AGBL4: variants seen among roughly 807,000 people sequenced by gnomAD.
AGBL4 encodes AGBL carboxypeptidase 4.
A neutral mutation model predicts 66.4 loss-of-function variants in AGBL4; 58 were observed. The ratio of observed to expected loss-of-function variants is 0.87; its 90% CI spans 0.71 to 1.09. The LOEUF (loss-of-function observed/expected upper bound fraction) is 1.09, where lower values mean the gene tolerates loss of function less well. Among genes scored for constraint, AGBL4 ranks in the 50% least tolerant of loss-of-function variants. The probability of loss-of-function intolerance (pLI) is 0.00; values close to 1 mark genes in which losing one functional copy is unlikely to be tolerated. For synonymous variants in AGBL4, 234 were observed against 222.9 expected (o/e 1.05, Z -0.44); for missense variants, 579 against 631.0 (o/e 0.92, Z 0.88).
At chr1:48,640,898 G>A (rs955395626) in intron 8 of AGBL4, among the ~76,000 whole-genome samples, 1 of 152,134 alleles carries the variant, frequency 6.6e-6, no homozygotes, top group Non-Finnish European at 1.5e-5. Flanking sequence ...TCGCAATAAT[G>A]GCAGCTAGAA....
intron 1 of AGBL4, among the ~76,000 whole-genome samples, chr1:49,908,954 C>T (rs1308859523): frequency 6.6e-6 from 1 of 152,088 alleles, no homozygotes; most frequent in Non-Finnish European, 1.5e-5. Context: ...CTGACAATTG[C>T]TATTTATACA....
chr1:49,271,697 C>CTTTTA lies in AGBL4; in HGVS notation c.283-25838_283-25834dup, dbSNP rs1401524371. 1.8e-4 allele frequency among the ~76,000 whole-genome samples: 27 copies of CTTTTA among 152,192 alleles called. No homozygotes were observed. In the East Asian group the frequency reaches 2.7e-3, roughly 15 times the overall value. On this transcript the variant is annotated intron_variant, in intron 3 of 13. Transcript: ENST00000371839. ...TTCTTACAAAATATTCTACCATTTA[C>CTTTTA]TTTTATTCCTCCCTACCCCTCCTTC...
chr1:49,929,639 CA>C (rs897563368), intron 1 of AGBL4, among the ~76,000 whole-genome samples: 3 of 151,030 alleles, frequency 2.0e-5, no homozygotes, highest in African/African-American at 7.3e-5. Flanking sequence ...CCTTCATTAC[CA>C]ATAAATGATA....
intron 3 of AGBL4, among the ~76,000 whole-genome samples, chr1:49,496,654 T>G (rs1170523857): frequency 6.7e-6 from 1 of 148,976 alleles, no homozygotes; most frequent in Non-Finnish European, 1.5e-5. Flanking sequence ...ATTATTTCAC[T>G]TAGCATTATG....
chr1:48,640,505 T>A (rs1052005811), intron 8 of AGBL4, among the ~76,000 whole-genome samples: 2 of 152,244 alleles, frequency 1.3e-5, no homozygotes, highest in African/African-American at 4.8e-5. Flanking sequence ...TTTTGAAAAG[T>A]AAGCACCTAC....
At chr1:49,256,875 G>A (rs1445349710) in intron 3 of AGBL4, among the ~76,000 whole-genome samples, 1 of 152,130 alleles carries the variant, frequency 6.6e-6, no homozygotes, top group African/African-American at 2.4e-5. Context: ...ATGAAAATTT[G>A]AACTATAAAT....
intron 5 of AGBL4, among the ~76,000 whole-genome samples, chr1:48,966,283 C>A (rs948926869): frequency 1.3e-5 from 2 of 152,052 alleles, no homozygotes; most frequent in Non-Finnish European, 2.9e-5. Flanking sequence ...GAAAAAGGGG[C>A]CCAAGATAGC....
intron 3 of AGBL4, among the ~76,000 whole-genome samples, chr1:49,314,303 T>C (rs1644997755): frequency 6.6e-6 from 1 of 152,068 alleles, no homozygotes; most frequent in Non-Finnish European, 1.5e-5. Flanking sequence ...TACATAGGTA[T>C]ACACGTGCCA....
At chr1:48,717,047 T>C (rs998623910) in intron 6 of AGBL4, among the ~76,000 whole-genome samples, 16 of 152,222 alleles carry the variant, frequency 1.1e-4, no homozygotes, top group Non-Finnish European at 2.9e-5. Context: ...TCAGGCCACG[T>C]CTGTATTTCA....
chr1:49,356,870 A>G (rs986213400), intron 3 of AGBL4, among the ~76,000 whole-genome samples: 13 of 152,308 alleles, frequency 8.5e-5, no homozygotes, highest in African/African-American at 3.1e-4. Flanking sequence ...CCTAACCAAG[A>G]GCTTTAAACT....
intron 6 of AGBL4, among the ~76,000 whole-genome samples, chr1:48,681,445 T>C (rs1205896572): frequency 1.3e-5 from 2 of 152,166 alleles, no homozygotes; most frequent in Non-Finnish European, 2.9e-5. Flanking sequence ...CCTCAAATGC[T>C]CCTGCCCATC....
chr1:49,300,544 C>A (rs1381890848), intron 3 of AGBL4, among the ~76,000 whole-genome samples: 1 of 152,158 alleles, frequency 6.6e-6, no homozygotes, highest in East Asian at 1.9e-4. Context: ...AGGAGACCCA[C>A]AGGTCTCCAT....
intron 5 of AGBL4, among the ~76,000 whole-genome samples, chr1:48,982,546 G>T (rs907865554): frequency 5.9e-5 from 9 of 151,950 alleles, no homozygotes; most frequent in African/African-American, 1.9e-4. Context: ...CTTTTTTATG[G>T]CTGCATAGTA....
chr1:48,748,118 T>C (rs1438347456), intron 6 of AGBL4, among the ~76,000 whole-genome samples: 8 of 152,180 alleles, frequency 5.3e-5, no homozygotes, highest in African/African-American at 1.7e-4. Context: ...ATGATTTTAC[T>C]GTCGAGAAGT....
intron 12 of AGBL4, among the ~76,000 whole-genome samples, chr1:48,535,684 T>C (rs1370771831): frequency 6.6e-6 from 1 of 152,186 alleles, no homozygotes; most frequent in Non-Finnish European, 1.5e-5. Context: ...TTTATCCCCT[T>C]TCTATTTCAT....
chr1:48,789,274 G>A (rs1304780470), intron 6 of AGBL4, among the ~76,000 whole-genome samples: 5 of 125,482 alleles, frequency 4.0e-5, no homozygotes, highest in South Asian at 3.0e-4. Context: ...TTCTTGCTGC[G>A]TGGATATATA....
chr1:48,554,744 T>C (rs1040874142), intron 11 of AGBL4, among the ~76,000 whole-genome samples: 1 of 152,184 alleles, frequency 6.6e-6, no homozygotes, highest in Non-Finnish European at 1.5e-5. Flanking sequence ...GCAAGGTAGA[T>C]TTTGGTATCC....
intron 6 of AGBL4, among the ~76,000 whole-genome samples, chr1:48,821,309 C>T (rs1646307341): frequency 2.0e-5 from 3 of 152,132 alleles, no homozygotes; most frequent in Admixed American, 2.0e-4. Context: ...TTTATCACAG[C>T]ACAATTCACA....
intron 4 of AGBL4, among the ~76,000 whole-genome samples, chr1:49,233,726 G>C (rs1025833274): frequency 1.3e-4 from 20 of 152,258 alleles, no homozygotes; most frequent in African/African-American, 4.8e-4. Context: ...AATAATATGT[G>C]ATGTGTGCTA....
Sources: allele counts gnomAD v4.1 joint callset (sites outside exome capture counted in the v4.1 genomes callset), GRCh38; gene constraint gnomAD v4.1.1; transcripts MANE v1.5; gene names NCBI Gene and HGNC (gene_info 2026-07-23, HGNC 2026-07-21).